The following RGS22 variants were observed in gnomAD, a reference collection of about 807,000 sequenced individuals.
RGS22 encodes regulator of G protein signaling 22.
A neutral mutation model predicts 172.9 loss-of-function variants in RGS22; 148 were observed. That is an observed-to-expected ratio of 0.86 (90% CI 0.75 to 0.98). RGS22 has a LOEUF of 0.98. Ranked by LOEUF, RGS22 falls within the 50% of genes least tolerant of loss-of-function variation. The pLI, the probability that RGS22 is intolerant of heterozygous loss-of-function variation, is 0.00. For synonymous variants in RGS22, 458 were observed against 480.2 expected (o/e 0.95, Z 0.60); for missense variants, 1,347 against 1,440.8 (o/e 0.93, Z 1.05).
At chr8:100,003,371 T>C (rs1000572609) in intron 17 of RGS22, among the ~76,000 whole-genome samples, 2 of 151,720 alleles carry the variant, frequency 1.3e-5, no homozygotes, top group Non-Finnish European at 1.5e-5. Flanking sequence ...AGGGAAACCA[T>C]ATACAGTGAA....
At chr8:100,029,966 A>G (rs1818615638) in intron 14 of RGS22, among the ~76,000 whole-genome samples, 1 of 152,202 alleles carries the variant, frequency 6.6e-6, no homozygotes, top group Admixed American at 6.5e-5. Flanking sequence ...TCTGAAGAAT[A>G]TATGAACTGA....
At chr8:100,038,672 G>A (rs890053012) in intron 14 of RGS22, 3 of 297,450 alleles carry the variant, frequency 1.0e-5, no homozygotes, top group East Asian at 5.7e-5. Context: ...AAAAAAGAGA[G>A]AGAGATGTTC....
intron 3 of RGS22, among the ~76,000 whole-genome samples, chr8:100,090,274 A>C (rs1812475771): frequency 6.6e-6 from 1 of 152,204 alleles, no homozygotes; most frequent in African/African-American, 2.4e-5. Context: ...AGAGTGGAAA[A>C]GCTGGAATCA....
intron 19 of RGS22, among the ~76,000 whole-genome samples, chr8:99,997,195 C>T (rs3133704): frequency 0.68 from 103,526 of 152,064 alleles, 36,349 homozygotes; most frequent in African/African-American, 0.86. Context: ...CCCAGCAGCA[C>T]TTTAGAATCA....
At chr8:99,964,561 C>T (rs957490598) in intron 24 of RGS22, among the ~76,000 whole-genome samples, 19 of 150,644 alleles carry the variant, frequency 1.3e-4, no homozygotes, top group African/African-American at 4.4e-4. Context: ...CCCCCTTTCA[C>T]ACTGTGTTTC....
intron 23 of RGS22, among the ~76,000 whole-genome samples, chr8:99,976,291 A>G (rs1341971510): frequency 6.6e-6 from 1 of 152,236 alleles, no homozygotes; most frequent in Non-Finnish European, 1.5e-5. Flanking sequence ...TAAGTTAAAA[A>G]ACATTAAAAC....
intron 15 of RGS22, among the ~76,000 whole-genome samples, chr8:100,006,890 G>T (rs770710513): frequency 1.3e-5 from 2 of 151,712 alleles, no homozygotes; most frequent in African/African-American, 4.8e-5. Flanking sequence ...GACTAATGCC[G>T]AAACTTTTTG....
At chr8:100,061,470 A>G (rs1324013528) in intron 9 of RGS22, among the ~76,000 whole-genome samples, 1 of 151,910 alleles carries the variant, frequency 6.6e-6, no homozygotes, top group Non-Finnish European at 1.5e-5. Context: ...CAAGAAAAAA[A>G]GCCATTAAAA....
Position 99,999,330 on chromosome 8 carries a change from T to G in RGS22, c.2881A>C (p.Arg961=). 6.8e-6 allele frequency: 11 copies of G among 1,614,012 alleles called. No individual in the cohort carries two copies. The highest frequency in any genetic ancestry group is 9.3e-6 in the Non-Finnish European group (11 of 1,179,960). Reference sequence around the variant, plus strand: ...AATGGCAGCCATACATTTTCTAGCCTATTTTGCACATGCTTCTGGATTTCA... The same window carrying G: ...AATGGCAGCCATACATTTTCTAGCCGATTTTGCACATGCTTCTGGATTTCA... The part of the protein sequence containing the change: ...LVEIQKHVQN[R]LENVWLPLFL... The change falls in exon 19 of 28, where the codon AGG becomes CGG. Residue 961 remains arginine (R), a synonymous_variant. Transcript: ENST00000360863.
chr8:100,052,089 T>TAA (rs1563672607), intron 10 of RGS22, among the ~76,000 whole-genome samples: 44 of 61,266 alleles, frequency 7.2e-4, no homozygotes, highest in Non-Finnish European at 1.1e-3. Context: ...TTATATATAT[T>TAA]TATATATTTA....
chr8:99,984,317 T>G (rs1812845905), intron 21 of RGS22, among the ~76,000 whole-genome samples: 1 of 152,166 alleles, frequency 6.6e-6, no homozygotes, highest in African/African-American at 2.4e-5. Flanking sequence ...AAAGCCTATT[T>G]TATATTATTC....
intron 14 of RGS22, among the ~76,000 whole-genome samples, chr8:100,020,129 C>T (rs1005053471): frequency 6.6e-6 from 1 of 152,074 alleles, no homozygotes; most frequent in African/African-American, 2.4e-5. Context: ...GGTGATCCAC[C>T]CGCCTCGGCC....
chr8:100,073,735 G>A (rs1032234738), intron 4 of RGS22, among the ~76,000 whole-genome samples: 6 of 152,130 alleles, frequency 3.9e-5, no homozygotes, highest in African/African-American at 1.4e-4. Flanking sequence ...AATTCTATAA[G>A]GTTGTCAAAC....
At chr8:99,987,191 T>TTTCA (rs1813189724) in intron 21 of RGS22, among the ~76,000 whole-genome samples, 1 of 152,194 alleles carries the variant, frequency 6.6e-6, no homozygotes, top group Admixed American at 6.6e-5. Flanking sequence ...TTTCAGATTT[T>TTTCA]GGAGCATTTC....
intron 14 of RGS22, among the ~76,000 whole-genome samples, chr8:100,019,472 G>A (rs1817366657): frequency 6.6e-6 from 1 of 152,226 alleles, no homozygotes; most frequent in Admixed American, 6.5e-5. Flanking sequence ...AAGTAAGAAA[G>A]TGAAATGTAA....
intron 10 of RGS22, 135 bp from the exon 11 acceptor site, chr8:100,047,731 T>C (rs1456359894): frequency 6.9e-6 from 5 of 729,868 alleles, no homozygotes; most frequent in South Asian, 9.6e-5. Flanking sequence ...CCCAATAAAA[T>C]AGAAATTTTT....
At position 100,016,978 on chromosome 8, in the gene RGS22, C is replaced by CTTTTTT. The variant is rs71274949; in HGVS notation, c.2167-8415_2167-8410dup. On this transcript the variant is annotated intron_variant, in intron 14 of 27. Coordinates refer to ENST00000360863, the MANE Select transcript of RGS22 (RefSeq NM_015668.5). ...CCTACATCCCTGATTCCTTACCAGT[C>CTTTTTT]TTTTTTTTTTTTTTTTTTTTTTTTT... Among the ~76,000 whole-genome samples the CTTTTTT allele has an allele frequency of 4.4e-4, 16 of 36,134 alleles. 4 individuals carry two copies. In the East Asian group the frequency reaches 6.2e-3, roughly 14 times the overall value. The allele number at this position is 36,134 out of a possible 152,430, so 23.7% of individuals were successfully genotyped here. A position where few individuals can be genotyped will look rare whatever the true frequency, so the allele number is the denominator to read the frequency against.
At chr8:100,009,307 A>T (rs1237127297) in intron 14 of RGS22, among the ~76,000 whole-genome samples, 3 of 151,910 alleles carry the variant, frequency 2.0e-5, no homozygotes, top group Non-Finnish European at 4.4e-5. Context: ...AATCACAGCT[A>T]CTTAGGAGGT....
At position 100,002,281 on chromosome 8, in the gene RGS22, A is replaced by G. The variant is rs1038559405; in HGVS notation, c.2711T>C (p.Ile904Thr). The G allele has an allele frequency of 5.0e-6, 8 of 1,612,002 alleles. No homozygotes were observed. The highest frequency in any genetic ancestry group is 2.2e-5 in the East Asian group (1 of 44,758). ...ATTAAGGTATTTGTTTTTAATGTAT[A>G]TAGATTTTGCCTTCCTTTGATTTCG... Reference protein sequence around the residue: ...RDRNQRKAKSIYIKNKYLNKK... With the variant: ...RDRNQRKAKSTYIKNKYLNKK... The change falls in exon 18 of 28, where the codon ATA (isoleucine) becomes ACA (threonine). Residue 904 changes from isoleucine (I) to threonine (T), a missense_variant. Physicochemically the swap from Ile to Thr is moderately conservative, Grantham distance 89 (BLOSUM62 -1). Transcript: ENST00000360863.
Sources: allele counts gnomAD v4.1 joint callset (sites outside exome capture counted in the v4.1 genomes callset), GRCh38; gene constraint gnomAD v4.1.1; transcripts MANE v1.5; gene names NCBI Gene and HGNC (gene_info 2026-07-23, HGNC 2026-07-21).